DOK6: variants seen among roughly 807,000 people sequenced by gnomAD.
The protein encoded by DOK6 is docking protein 6.
A neutral mutation model predicts 44.0 loss-of-function variants in DOK6; 22 were observed. That is an observed-to-expected ratio of 0.50 (90% CI 0.36 to 0.71). The LOEUF (loss-of-function observed/expected upper bound fraction) is 0.71. DOK6 is among the 30% of genes least tolerant of loss of function. DOK6 has a pLI of 0.00. For synonymous variants in DOK6, 166 were observed against 145.5 expected, an observed-to-expected ratio of 1.14 and a Z score of -1.01; for missense variants, 340 against 416.4, an observed-to-expected ratio of 0.82 and a Z score of 1.60.
chr18:69,551,019 C>G (rs1398017082), intron 1 of DOK6, among the ~76,000 whole-genome samples: 1 of 150,910 alleles, frequency 6.6e-6, no homozygotes, highest in Non-Finnish European at 1.5e-5. Flanking sequence ...TTAATCTTAA[C>G]TTATTTACAG....
chr18:69,415,696 A>G (rs998985040), intron 1 of DOK6, among the ~76,000 whole-genome samples: 3 of 152,098 alleles, frequency 2.0e-5, no homozygotes, highest in Non-Finnish European at 4.4e-5. Flanking sequence ...TGTCATTTTC[A>G]GCACCTAAAG....
chr18:69,794,860 C>T (rs1287914573), intron 7 of DOK6, among the ~76,000 whole-genome samples: 1 of 152,138 alleles, frequency 6.6e-6, no homozygotes, highest in Non-Finnish European at 1.5e-5. Flanking sequence ...GGGATTTAGG[C>T]TCCGTGCTCC....
At chr18:69,747,593 G>GCCTCCCC (rs1979028915) in intron 6 of DOK6, among the ~76,000 whole-genome samples, 2 of 148,276 alleles carry the variant, frequency 1.3e-5, no homozygotes, top group African/African-American at 5.1e-5. Context: ...TTTCCGCTCC[G>GCCTCCCC]CCCCCTCCCC....
intron 3 of DOK6, among the ~76,000 whole-genome samples, chr18:69,628,663 T>G (rs1013801186): frequency 6.6e-6 from 1 of 152,232 alleles, no homozygotes; most frequent in Non-Finnish European, 1.5e-5. Flanking sequence ...ATTTTTGAAT[T>G]TTATGAACAT....
At chr18:69,780,300 T>A (rs1201914047) in intron 7 of DOK6, among the ~76,000 whole-genome samples, 1 of 152,110 alleles carries the variant, frequency 6.6e-6, no homozygotes, top group Non-Finnish European at 1.5e-5. Flanking sequence ...ATTTTCCTAT[T>A]TGAAACATTG....
chr18:69,467,848 G>A (rs946523581), intron 1 of DOK6, among the ~76,000 whole-genome samples: 8 of 152,096 alleles, frequency 5.3e-5, no homozygotes, highest in African/African-American at 1.9e-4. Flanking sequence ...TATTATTATT[G>A]TTGTGATATC....
At chr18:69,775,030 G>A (rs1032181052) in intron 7 of DOK6, among the ~76,000 whole-genome samples, 11 of 151,668 alleles carry the variant, frequency 7.3e-5, no homozygotes, top group African/African-American at 2.7e-4. Flanking sequence ...CAATAGCAAC[G>A]AGATAGAACA....
chr18:69,665,167 C>G (rs1194721316), intron 3 of DOK6, among the ~76,000 whole-genome samples: 1 of 151,414 alleles, frequency 6.6e-6, no homozygotes, highest in Admixed American at 6.6e-5. Flanking sequence ...GGTGACAGAG[C>G]AAGACTCCGT....
chr18:69,727,768 A>G (rs1287599560), intron 5 of DOK6, among the ~76,000 whole-genome samples: 1 of 152,216 alleles, frequency 6.6e-6, no homozygotes, highest in Non-Finnish European at 1.5e-5. Flanking sequence ...CAGTTAAGAA[A>G]CTGTAAATTC....
At chr18:69,628,724 C>T (rs148102256) in intron 3 of DOK6, among the ~76,000 whole-genome samples, 12 of 152,220 alleles carry the variant, frequency 7.9e-5, no homozygotes, top group African/African-American at 1.4e-4. Flanking sequence ...CATCTCTGAG[C>T]GTATCTCTAA....
At position 69,541,738 on chromosome 18, in the gene DOK6, T is replaced by C. The variant is rs963642867; in HGVS notation, c.67-22749T>C. On this transcript the variant is annotated intron_variant, in intron 1 of 7. Transcript: ENST00000382713. The stretch of plus-strand genomic sequence containing the variant: ...TTACAAAAACAGAAGAGTATGATAA[T>C]GGTCATGTTTGTGGCAAATAGAGCA... Among the ~76,000 whole-genome samples the C allele has an allele frequency of 2.0e-5, 3 of 151,622 alleles. 1 individual carries two copies. The highest frequency in any genetic ancestry group is 4.4e-5 in the Non-Finnish European group (3 of 67,710).
intron 3 of DOK6, among the ~76,000 whole-genome samples, chr18:69,640,413 C>T (rs1398603090): frequency 2.0e-5 from 3 of 152,088 alleles, no homozygotes; most frequent in African/African-American, 7.2e-5. Flanking sequence ...AAAGATGTAC[C>T]CTTTGCCACA....
In DOK6 at chr18:69,842,211, A is replaced by G. The variant is rs1212875037; in HGVS notation, c.*828A>G. The G allele has an allele frequency of 6.6e-6, 1 of 151,740 alleles. No homozygotes were observed. The highest frequency in any genetic ancestry group is 1.5e-5 in the Non-Finnish European group (1 of 67,998). 9.4% of individuals were successfully genotyped at this position (151,740 alleles called of 1,614,324 possible). On this transcript the variant is annotated 3_prime_UTR_variant, in exon 8 of 8. Coordinates refer to ENST00000382713, the MANE Select transcript of DOK6 (RefSeq NM_152721.6). ...AATCCAGTCTGTTCCTAACAAGTGT[A>G]AGCAAAAATGTGAGAAGGGGAACAT... is the stretch of plus-strand genomic sequence containing the variant.
intron 3 of DOK6, among the ~76,000 whole-genome samples, chr18:69,670,996 C>T (rs1012087428): frequency 1.3e-5 from 2 of 152,132 alleles, no homozygotes; most frequent in African/African-American, 4.8e-5. Flanking sequence ...CACACACGCA[C>T]ACACGCGCAC....
chr18:69,738,166 G>A (rs1978677477), intron 5 of DOK6, among the ~76,000 whole-genome samples: 2 of 152,284 alleles, frequency 1.3e-5, no homozygotes, highest in South Asian at 4.1e-4. Context: ...AAACTCTTTG[G>A]AGAATCATAG....
At position 69,552,823 on chromosome 18, in the gene DOK6, G is replaced by C. The variant is rs542779574; in HGVS notation, c.67-11664G>C. Among the ~76,000 whole-genome samples the C allele has an allele frequency of 1.8e-4, 27 of 152,330 alleles. No individual in the cohort carries two copies. The Middle Eastern group carries it at 0.01, about 58-fold the overall frequency. On this transcript the variant is annotated intron_variant, in intron 1 of 7. Coordinates refer to ENST00000382713, the MANE Select transcript of DOK6 (RefSeq NM_152721.6). The stretch of plus-strand genomic sequence containing the variant: ...AGCAAATATTCATAAGATGTTTGCC[G>C]AATGAATGAATTATGAAAGTGGAAC...
chr18:69,536,327 A>G (rs1982121772), intron 1 of DOK6, among the ~76,000 whole-genome samples: 1 of 152,202 alleles, frequency 6.6e-6, no homozygotes, highest in African/African-American at 2.4e-5. Context: ...GTATGAGTAG[A>G]ATGCAAGGTA....
At chr18:69,739,457 T>A (rs1660576329) in intron 6 of DOK6, among the ~76,000 whole-genome samples, 2 of 152,204 alleles carry the variant, frequency 1.3e-5, no homozygotes. Context: ...CTAGGAAAAT[T>A]AAGTTCTCAC....
At chr18:69,788,663 T>C (rs796755065) in intron 7 of DOK6, among the ~76,000 whole-genome samples, 4 of 152,192 alleles carry the variant, frequency 2.6e-5, no homozygotes, top group African/African-American at 9.6e-5. Flanking sequence ...ACAATATGCA[T>C]TAGTGTAATC....
Sources: allele counts gnomAD v4.1 joint callset (sites outside exome capture counted in the v4.1 genomes callset), GRCh38; gene constraint gnomAD v4.1.1; transcripts MANE v1.5; gene names NCBI Gene and HGNC (gene_info 2026-07-23, HGNC 2026-07-21).